The following CLTA variants were observed in gnomAD, a reference collection of about 807,000 sequenced individuals.
CLTA encodes clathrin, light polypeptide (Lca).
CLTA carries 9 observed loss-of-function variants against 26.9 expected under a neutral mutation model. The observed-to-expected ratio is 0.33, with a 90% CI of 0.20 to 0.58. The LOEUF (loss-of-function observed/expected upper bound fraction) is 0.58. Ranked by LOEUF, CLTA falls within the 20% of genes least tolerant of loss-of-function variation. The probability of loss-of-function intolerance (pLI) is 0.85; values close to 1 mark genes in which losing one functional copy is unlikely to be tolerated. For missense variants in CLTA, 278 were observed against 294.2 expected, an observed-to-expected ratio of 0.94 and a Z score of 0.40; for synonymous variants, 120 against 115.5, an observed-to-expected ratio of 1.04 and a Z score of -0.25.
intron 4 of CLTA, among the ~76,000 whole-genome samples, chr9:36,209,705 C>T (rs1395970159): frequency 6.6e-6 from 1 of 152,184 alleles, no homozygotes; most frequent in Non-Finnish European, 1.5e-5. Flanking sequence ...GTTTCCCCAC[C>T]TGGGAGCAGG....
At chr9:36,197,480 TC>T in intron 1 of CLTA, 70 bp from the exon 2 acceptor site, 1 of 1,025,624 alleles carries the variant, frequency 9.8e-7, no homozygotes, top group Non-Finnish European at 1.5e-6. Flanking sequence ...GATGCTGTAT[TC>T]TACTGTACAA....
intron 3 of CLTA, among the ~76,000 whole-genome samples, chr9:36,201,640 C>T (rs1827410362): frequency 6.6e-6 from 1 of 152,136 alleles, no homozygotes; most frequent in Admixed American, 6.5e-5. Flanking sequence ...AAAGAAAATA[C>T]TGTCCAATCA....
At chr9:36,192,410 G>A (rs1188833927) in intron 1 of CLTA, among the ~76,000 whole-genome samples, 11 of 152,202 alleles carry the variant, frequency 7.2e-5, no homozygotes, top group Admixed American at 7.2e-4. Flanking sequence ...TTGATGGATG[G>A]GTTGGTGGGT....
At chr9:36,195,047 A>G (rs553888852) in intron 1 of CLTA, among the ~76,000 whole-genome samples, 1 of 152,332 alleles carries the variant, frequency 6.6e-6, no homozygotes, top group Non-Finnish European at 1.5e-5. Flanking sequence ...ATTAGTGGAT[A>G]GTTGGTATGT....
In CLTA at chr9:36,203,907, G is replaced by A. The variant is rs201515005; in HGVS notation, c.374-161G>A. On this transcript the variant is annotated intron_variant, in intron 3 of 4. Transcript: ENST00000345519. Reference sequence around the variant, plus strand: ...AATCAGAGTTGGTTGTGCAAACAGAGAAAACAGAAGTTTATCTTCCCCTCT... The same window carrying A: ...AATCAGAGTTGGTTGTGCAAACAGAAAAAACAGAAGTTTATCTTCCCCTCT... The A allele has an allele frequency of 3.7e-5, 20 of 535,832 alleles. No individual in the cohort carries two copies. The East Asian group carries it at 2.1e-3, about 55-fold the overall frequency. The allele number at this position is 535,832 out of a possible 1,614,324, so 33.2% of individuals were successfully genotyped here. A position where few individuals can be genotyped will look rare whatever the true frequency, so the allele number is the denominator to read the frequency against.
At chr9:36,209,346 TC>T (rs1827908977) in intron 4 of CLTA, 1 of 1,495,548 alleles carries the variant, frequency 6.7e-7, no homozygotes. Context: ...AATTCCTTTT[TC>T]TACATCTGAT....
chr9:36,190,930 C>A lies in CLTA; in HGVS notation c.-127C>A. On this transcript the variant is annotated 5_prime_UTR_variant, in exon 1 of 5. Coordinates refer to ENST00000345519, the MANE Select transcript of CLTA (RefSeq NM_001833.4). ...TACACGGGTAGGGCTTCCGCTTTAC[C>A]CGTCTCCCTCCTGGCGCTTGTCCTC... 2 of 1,409,686 alleles carry A rather than the reference C, an allele frequency of 1.4e-6. No individual in the cohort carries two copies. The highest frequency in any genetic ancestry group is 1.8e-6 in the Non-Finnish European group (2 of 1,086,184). The allele number at this position is 1,409,686 out of a possible 1,614,324, so 87.3% of individuals were successfully genotyped here.
At chr9:36,211,139 C>G (rs906475581) in intron 4 of CLTA, among the ~76,000 whole-genome samples, 3 of 152,198 alleles carry the variant, frequency 2.0e-5, no homozygotes, top group African/African-American at 4.8e-5. Context: ...TGATCTGCCC[C>G]GTTTCTCTCC....
intron 4 of CLTA, among the ~76,000 whole-genome samples, chr9:36,209,498 G>A (rs1827917911): frequency 6.6e-6 from 1 of 152,148 alleles, no homozygotes; most frequent in Non-Finnish European, 1.5e-5. Flanking sequence ...TTCCAGATTT[G>A]TGACTCCCTG....
At chr9:36,193,300 T>C (rs757417388) in intron 1 of CLTA, among the ~76,000 whole-genome samples, 1 of 151,624 alleles carries the variant, frequency 6.6e-6, no homozygotes, top group Admixed American at 6.6e-5. Context: ...TTTTCTCTCT[T>C]AGTTTTCTTT....
Position 36,211,912 on chromosome 9 carries a change from T to G in CLTA, c.*138T>G, listed in dbSNP as rs1828068168. The G allele has an allele frequency of 1.3e-6, 1 of 753,886 alleles. No individual in the cohort carries two copies. The highest frequency in any genetic ancestry group is 2.6e-5 in the Admixed American group (1 of 39,058). The allele number at this position is 753,886 out of a possible 1,614,324, so 46.7% of individuals were successfully genotyped here. ...TTTAGAGTTGTTCATTGTTTGTGAT[T>G]GCATGTTTCCTTCCTTCAACTGTGT... is the stretch of plus-strand genomic sequence containing the variant. On this transcript the variant is annotated 3_prime_UTR_variant, in exon 5 of 5. Coordinates refer to ENST00000345519, the MANE Select transcript of CLTA (RefSeq NM_001833.4).
chr9:36,190,880 T>G (rs1033352668), upstream of CLTA: 3 of 1,123,354 alleles, frequency 2.7e-6, no homozygotes, highest in South Asian at 1.9e-5. Flanking sequence ...TTTTCGGCTC[T>G]GCAACACCGC....
chr9:36,204,404 G>A (rs1012608853), intron 4 of CLTA, among the ~76,000 whole-genome samples: 2 of 152,170 alleles, frequency 1.3e-5, no homozygotes, highest in Non-Finnish European at 2.9e-5. Flanking sequence ...CTGAGAGTTT[G>A]GTTAATATGC....
intron 3 of CLTA, among the ~76,000 whole-genome samples, chr9:36,203,126 A>G (rs1827515080): frequency 6.6e-6 from 1 of 151,968 alleles, no homozygotes; most frequent in Non-Finnish European, 1.5e-5. Context: ...AGCCACCACA[A>G]GCAGCCGGCA....
intron 2 of CLTA, among the ~76,000 whole-genome samples, chr9:36,198,308 C>T (rs1827175510): frequency 6.6e-6 from 1 of 151,910 alleles, no homozygotes; most frequent in Non-Finnish European, 1.5e-5. Context: ...AGAGCCACCG[C>T]AACCTTGGCT....
intron 4 of CLTA, chr9:36,209,425 T>G: frequency 1.1e-6 from 1 of 913,734 alleles, no homozygotes. Context: ...TTAAATTATT[T>G]CAAATTGGCA....
At chr9:36,201,941 A>G (rs992398098) in intron 3 of CLTA, among the ~76,000 whole-genome samples, 7 of 151,550 alleles carry the variant, frequency 4.6e-5, no homozygotes, top group Non-Finnish European at 1.0e-4. Context: ...GTGAGACCCT[A>G]TCTCTACTAA....
intron 3 of CLTA, among the ~76,000 whole-genome samples, chr9:36,199,359 C>G (rs532318452): frequency 2.0e-5 from 3 of 152,176 alleles, no homozygotes; most frequent in Admixed American, 6.5e-5. Flanking sequence ...CAAGAGTAGC[C>G]TCAGGTGGTG....
At chr9:36,203,988 A>G (rs1268641721) in intron 3 of CLTA, 80 bp from the exon 4 acceptor site, 5 of 1,572,740 alleles carry the variant, frequency 3.2e-6, no homozygotes, top group East Asian at 2.3e-5. Context: ...CCACAAGTTC[A>G]GCAAGACCAA....
Sources: gnomAD v4.1 joint callset for allele counts (sites outside exome capture counted in the v4.1 genomes callset) on GRCh38, gnomAD v4.1.1 for gene constraint, MANE v1.5 for transcripts, NCBI Gene and HGNC (gene_info 2026-07-23, HGNC 2026-07-21) for gene names.